MN1: variants seen among roughly 807,000 people sequenced by gnomAD.
MN1 encodes transcriptional activator MN1.
Under a neutral mutation model 86.9 loss-of-function variants are expected in MN1, and 19 were observed. That is an observed-to-expected ratio of 0.22 (90% confidence interval 0.15 to 0.32). MN1 has a LOEUF of 0.32. Ranked by LOEUF, MN1 falls within the 10% of genes least tolerant of loss-of-function variation. The probability of loss-of-function intolerance (pLI) is 1.00; values close to 1 mark genes in which losing one functional copy is unlikely to be tolerated. For missense variants in MN1, 1,841 were observed against 1,862.0 expected, an observed-to-expected ratio of 0.99 and a Z score of 0.21; for synonymous variants, 928 against 849.6, an observed-to-expected ratio of 1.09 and a Z score of -1.60.
At position 27,797,430 on chromosome 22, in the gene MN1, C is replaced by G; in HGVS notation, c.3114G>C (p.Ser1038=). 1 of 1,609,386 alleles carries G rather than the reference C, an allele frequency of 6.2e-7. No homozygotes were observed. Reference sequence around the variant, plus strand: ...CCGAGGCGAACTCACCCACGTTTGGCGAACTACTGTCCGACTTGGCCCCGC... The same window carrying G: ...CCGAGGCGAACTCACCCACGTTTGGGGAACTACTGTCCGACTTGGCCCCGC... The part of the protein sequence containing the change: ...LDGGAKSDSS[S]PNVGEFASDE... The change falls in exon 1 of 2, where the codon TCG becomes TCC. Residue 1038 remains serine, a synonymous_variant. Transcript: ENST00000302326.
intron 1 of MN1, among the ~76,000 whole-genome samples, chr22:27,777,933 C>G (rs1224559579): frequency 6.6e-6 from 1 of 151,826 alleles, no homozygotes; most frequent in Non-Finnish European, 1.5e-5. Context: ...TCATTTTTAT[C>G]CTGAGTCAGT....
intron 1 of MN1, among the ~76,000 whole-genome samples, chr22:27,791,483 C>T (rs1651949592): frequency 6.6e-6 from 1 of 151,786 alleles, no homozygotes; most frequent in Non-Finnish European, 1.5e-5. Flanking sequence ...CGATCCTGGC[C>T]CCTCCAGACC....
intron 1 of MN1, among the ~76,000 whole-genome samples, chr22:27,770,505 G>T (rs896062098): frequency 3.3e-5 from 5 of 152,168 alleles, no homozygotes; most frequent in African/African-American, 1.2e-4. Context: ...TTTGGACAAG[G>T]CACTTTCCCT....
chr22:27,749,388 A>G lies in MN1; in HGVS notation c.*1527T>C, dbSNP rs1165205312. 1 of 231,760 alleles carries G rather than the reference A, an allele frequency of 4.3e-6. No individual in the cohort carries two copies. Among genetic ancestry groups the G allele is most frequent in the African/African-American group, 2.2e-5 (1 of 45,254 alleles). 14.4% of individuals were successfully genotyped at this position (231,760 alleles called of 1,614,324 possible). A position where few individuals can be genotyped will look rare whatever the true frequency, so the allele number is the denominator to read the frequency against. ...TAGTAAGACACGCTCGTTAACAAAA[A>G]CTGAAATTAAATAGATAACCATCAC... On this transcript the variant is annotated 3_prime_UTR_variant, in exon 2 of 2. Coordinates refer to ENST00000302326, the MANE Select transcript of MN1 (RefSeq NM_002430.3).
At chr22:27,764,728 T>G (rs113516644) in intron 1 of MN1, among the ~76,000 whole-genome samples, 1 of 152,204 alleles carries the variant, frequency 6.6e-6, no homozygotes, top group African/African-American at 2.4e-5. Flanking sequence ...GAGAATGACA[T>G]ATGATATTAC....
At chr22:27,783,811 G>C (rs1395235272) in intron 1 of MN1, among the ~76,000 whole-genome samples, 1 of 152,220 alleles carries the variant, frequency 6.6e-6, no homozygotes, top group Non-Finnish European at 1.5e-5. Context: ...ATGTCACAGG[G>C]TCTATCACTG....
At chr22:27,767,353 G>A (rs1432863231) in intron 1 of MN1, among the ~76,000 whole-genome samples, 1 of 152,080 alleles carries the variant, frequency 6.6e-6, no homozygotes, top group African/African-American at 2.4e-5. Flanking sequence ...ACTGAGAGGG[G>A]CGACGCCCTC....
At position 27,749,655 on chromosome 22, in the gene MN1, A is replaced by C. The variant is rs1932742840; in HGVS notation, c.*1260T>G. On this transcript the variant is annotated 3_prime_UTR_variant, in exon 2 of 2. Coordinates refer to ENST00000302326, the MANE Select transcript of MN1 (RefSeq NM_002430.3). Reference sequence around the variant, plus strand: ...CAAAAAAATGTTGGGGAGGGGGCAGAGGAATTCCAGAGTTCAAAACTAAAA... The same window carrying C: ...CAAAAAAATGTTGGGGAGGGGGCAGCGGAATTCCAGAGTTCAAAACTAAAA... The C allele has an allele frequency of 4.3e-6, 1 of 231,516 alleles. No individual in the cohort carries two copies. Among genetic ancestry groups the C allele is most frequent in the African/African-American group, 2.2e-5 (1 of 45,230 alleles). The allele number at this position is 231,516 out of a possible 1,614,324, so 14.3% of individuals were successfully genotyped here. A position where few individuals can be genotyped will look rare whatever the true frequency, so the allele number is the denominator to read the frequency against.
chr22:27,751,306 G>A (rs1220600745), intron 1 of MN1, among the ~76,000 whole-genome samples: 2 of 152,190 alleles, frequency 1.3e-5, no homozygotes, highest in African/African-American at 4.8e-5. Context: ...GCCAAGGGAA[G>A]ACCTCCCTGT....
At chr22:27,754,063 T>C (rs1371524896) in intron 1 of MN1, among the ~76,000 whole-genome samples, 1 of 151,970 alleles carries the variant, frequency 6.6e-6, no homozygotes, top group Non-Finnish European at 1.5e-5. Context: ...GGAAACAAAC[T>C]CCGAGGGATG....
intron 1 of MN1, among the ~76,000 whole-genome samples, chr22:27,795,270 A>G (rs1234240660): frequency 6.6e-6 from 1 of 152,172 alleles, no homozygotes; most frequent in Non-Finnish European, 1.5e-5. Context: ...GGCCGCATTC[A>G]TGAATTAGAA....
At chr22:27,779,796 C>T (rs777609645) in intron 1 of MN1, among the ~76,000 whole-genome samples, 3 of 152,172 alleles carry the variant, frequency 2.0e-5, no homozygotes, top group Non-Finnish European at 2.9e-5. Context: ...CACACCTCCT[C>T]GGGCTGGCCC....
At chr22:27,771,360 T>G (rs571162700) in intron 1 of MN1, among the ~76,000 whole-genome samples, 1 of 151,484 alleles carries the variant, frequency 6.6e-6, no homozygotes, top group Non-Finnish European at 1.5e-5. Flanking sequence ...TCCAAGTAGC[T>G]GGGACTACAG....
rs982714944 is a variant in MN1, at chr22:27,801,128, A to T, written c.-585T>A. 18 of 225,268 alleles carry T rather than the reference A, an allele frequency of 8.0e-5. No individual in the cohort carries two copies. The highest frequency in any genetic ancestry group is 4.0e-4 in the African/African-American group (18 of 44,634). 14.0% of individuals were successfully genotyped at this position (225,268 alleles called of 1,614,324 possible). A position where few individuals can be genotyped will look rare whatever the true frequency, so the allele number is the denominator to read the frequency against. ...CGCCCCGCAGCCCGAGCCTCCACCGAGCACGATCCGCTCGCACAATCCCCG... is the reference window on the plus strand; with the variant it reads ...CGCCCCGCAGCCCGAGCCTCCACCGTGCACGATCCGCTCGCACAATCCCCG... On this transcript the variant is annotated 5_prime_UTR_variant, in exon 1 of 2. Transcript: ENST00000302326.
chr22:27,788,898 C>T (rs1192852909), intron 1 of MN1, among the ~76,000 whole-genome samples: 2 of 152,132 alleles, frequency 1.3e-5, no homozygotes, highest in Non-Finnish European at 2.9e-5. Context: ...CCCCCCCAGA[C>T]GGTGTCACTC....
At chr22:27,783,592 C>T (rs12158277) in intron 1 of MN1, among the ~76,000 whole-genome samples, 2 of 152,158 alleles carry the variant, frequency 1.3e-5, no homozygotes, top group African/African-American at 2.4e-5. Context: ...ATAGTCCTGT[C>T]CTGGCTCTGC....
chr22:27,792,117 A>G (rs1273288152), intron 1 of MN1, among the ~76,000 whole-genome samples: 1 of 152,136 alleles, frequency 6.6e-6, no homozygotes, highest in Non-Finnish European at 1.5e-5. Flanking sequence ...ACAAAATCAT[A>G]TCAGGAATCA....
In MN1 at chr22:27,801,247, G is replaced by A. The variant is rs1325338380; in HGVS notation, c.-704C>T. ...CGGTGCCGGCCCCCGAGCCGAGGAC[G>A]CAGAGGGGCTGCGAGGCGGCAGGCG... On this transcript the variant is annotated 5_prime_UTR_variant, in exon 1 of 2. Coordinates refer to ENST00000302326, the MANE Select transcript of MN1 (RefSeq NM_002430.3). 4.5e-6 allele frequency: 1 copy of A among 221,942 alleles called. No individual in the cohort carries two copies. The highest frequency in any genetic ancestry group is 6.3e-5 in the East Asian group (1 of 15,786). 13.7% of individuals were successfully genotyped at this position (221,942 alleles called of 1,614,324 possible). A position where few individuals can be genotyped will look rare whatever the true frequency, so the allele number is the denominator to read the frequency against.
At chr22:27,762,635 C>T (rs1161354857) in intron 1 of MN1, among the ~76,000 whole-genome samples, 2 of 152,132 alleles carry the variant, frequency 1.3e-5, no homozygotes, top group East Asian at 1.9e-4. Context: ...AGACCCTATA[C>T]TGAGTGGCCT....
Sources: allele counts gnomAD v4.1 joint callset (sites outside exome capture counted in the v4.1 genomes callset), GRCh38; gene constraint gnomAD v4.1.1; transcripts MANE v1.5; gene names NCBI Gene and HGNC (gene_info 2026-07-23, HGNC 2026-07-21).